Variants in NTM observed in about 807,000 individuals in gnomAD.
NTM encodes neurotrimin.
Under a neutral mutation model 42.1 loss-of-function variants are expected in NTM, and 13 were observed. The ratio of observed to expected loss-of-function variants is 0.31; its 90% CI spans 0.20 to 0.49. NTM has a LOEUF of 0.49. Ranked by LOEUF, NTM falls within the 20% of genes least tolerant of loss-of-function variation. NTM has a pLI of 0.99. For synonymous variants in NTM, 187 were observed against 179.2 expected (o/e 1.04, Z -0.35); for missense variants, 373 against 452.8 (o/e 0.82, Z 1.60).
chr11:131,693,607 C>T (rs139387348), intron 1 of NTM, among the ~76,000 whole-genome samples: 257 of 152,306 alleles, frequency 1.7e-3, no homozygotes, highest in African/African-American at 6.0e-3. Flanking sequence ...CCAGCCCCAT[C>T]TGTTGCTGAG....
intron 4 of NTM, among the ~76,000 whole-genome samples, chr11:132,257,634 A>G (rs2092583503): frequency 6.6e-6 from 1 of 152,110 alleles, no homozygotes; most frequent in South Asian, 2.1e-4. Context: ...TGCTGGGATA[A>G]CTCTTCTTCA....
At chr11:131,781,798 C>A (rs566371279) in intron 1 of NTM, among the ~76,000 whole-genome samples, 1 of 152,220 alleles carries the variant, frequency 6.6e-6, no homozygotes, top group African/African-American at 2.4e-5. Context: ...CCACTCTGCA[C>A]TCTGCCTAGA....
chr11:132,046,422 G>A (rs2078003269), intron 2 of NTM, among the ~76,000 whole-genome samples: 2 of 151,416 alleles, frequency 1.3e-5, no homozygotes, highest in Admixed American at 1.3e-4. Context: ...TAACAACACA[G>A]CAATTCTACT....
intron 1 of NTM, among the ~76,000 whole-genome samples, chr11:131,738,128 G>C (rs1225475762): frequency 2.0e-5 from 3 of 152,126 alleles, no homozygotes; most frequent in Non-Finnish European, 4.4e-5. Context: ...CAGGGGATGG[G>C]GATGGATGGC....
intron 1 of NTM, among the ~76,000 whole-genome samples, chr11:131,382,491 C>T (rs768793118): frequency 6.6e-6 from 1 of 151,884 alleles, no homozygotes; most frequent in Non-Finnish European, 1.5e-5. Context: ...GTTATCATCA[C>T]TTGTGAAAAA....
intron 2 of NTM, among the ~76,000 whole-genome samples, chr11:132,119,392 CT>C (rs2064394660): frequency 6.6e-6 from 1 of 152,142 alleles, no homozygotes; most frequent in Admixed American, 6.5e-5. Flanking sequence ...ACTGACCCTT[CT>C]GATATCAAAG....
At chr11:132,218,575 C>T (rs1172607735) in intron 4 of NTM, among the ~76,000 whole-genome samples, 1 of 152,116 alleles carries the variant, frequency 6.6e-6, no homozygotes, top group African/African-American at 2.4e-5. Context: ...TAGGGTATCT[C>T]CTGCACTGCC....
chr11:131,680,985 G>A (rs2072605148), intron 1 of NTM, among the ~76,000 whole-genome samples: 2 of 38,304 alleles, frequency 5.2e-5, no homozygotes, highest in Non-Finnish European at 1.3e-4. Context: ...CTCCCTGTGT[G>A]TGTGAGCGTG....
At chr11:131,859,959 T>C (rs605769) in intron 1 of NTM, among the ~76,000 whole-genome samples, 1 of 152,112 alleles carries the variant, frequency 6.6e-6, no homozygotes, top group Non-Finnish European at 1.5e-5. Flanking sequence ...ACTCCCCCTT[T>C]GTCTGGAGGT....
At chr11:131,615,743 A>G (rs569507473) in intron 1 of NTM, among the ~76,000 whole-genome samples, 1 of 152,288 alleles carries the variant, frequency 6.6e-6, no homozygotes, top group South Asian at 2.1e-4. Flanking sequence ...GTCAGCTCCC[A>G]GCTCCCAGAC....
At chr11:131,658,444 G>A (rs935848836) in intron 1 of NTM, among the ~76,000 whole-genome samples, 5 of 152,142 alleles carry the variant, frequency 3.3e-5, no homozygotes, top group Non-Finnish European at 4.4e-5. Flanking sequence ...CCACACCCAC[G>A]TGGTGCAGCT....
chr11:132,267,582 G>A (rs1227777344), intron 4 of NTM, among the ~76,000 whole-genome samples: 1 of 151,446 alleles, frequency 6.6e-6, no homozygotes. Context: ...TTGGGAGGCC[G>A]AGGTGGGTGG....
chr11:131,891,018 T>C (rs2137497504), intron 1 of NTM, among the ~76,000 whole-genome samples: 1 of 152,340 alleles, frequency 6.6e-6, no homozygotes, highest in East Asian at 1.9e-4. Flanking sequence ...TTGTTTAGAC[T>C]ATGTCAGCTC....
chr11:131,795,432 G>T, intron 1 of NTM: 1 of 985,342 alleles, frequency 1.0e-6, no homozygotes, highest in Non-Finnish European at 1.2e-6. Flanking sequence ...TACACTATTG[G>T]TATAAAGTCA....
At chr11:132,314,878 A>G (rs2095384496) in intron 7 of NTM, 175 bp downstream of exon 7, 1 of 1,365,880 alleles carries the variant, frequency 7.3e-7, no homozygotes, top group Admixed American at 3.3e-5. Flanking sequence ...GGACAGAGAG[A>G]CAGGGAGGAG....
intron 3 of NTM, among the ~76,000 whole-genome samples, chr11:132,162,014 A>G (rs565621329): frequency 3.9e-5 from 6 of 152,376 alleles, no homozygotes; most frequent in Admixed American, 3.9e-4. Context: ...TGCGCAGTGC[A>G]GGGAAGGAAG....
chr11:132,000,180 C>T lies in NTM; in HGVS notation c.167+88532C>T, dbSNP rs143833207. Among the ~76,000 whole-genome samples, 420 of 152,258 alleles carry T rather than the reference C, an allele frequency of 2.8e-3. 1 individual carries two copies. Among genetic ancestry groups the T allele is most frequent in the Non-Finnish European group, 4.5e-3 (307 of 68,024 alleles). On this transcript the variant is annotated intron_variant, in intron 2 of 8. Coordinates refer to ENST00000683400, the MANE Select transcript of NTM (RefSeq NM_001352005.2). ...CTACTGCACACACTCCCAGACAGTC[C>T]CTGCCTTTCCCATTGTCTTTCTCAA...
At chr11:131,510,809 G>A (rs185723371) in intron 1 of NTM, among the ~76,000 whole-genome samples, 2 of 152,104 alleles carry the variant, frequency 1.3e-5, no homozygotes, top group African/African-American at 4.8e-5. Flanking sequence ...GGGTCTGTGG[G>A]GGTGCTGGTG....
intron 2 of NTM, among the ~76,000 whole-genome samples, chr11:132,067,765 G>A (rs1473245809): frequency 1.3e-5 from 2 of 152,202 alleles, no homozygotes; most frequent in East Asian, 1.9e-4. Flanking sequence ...CTGGGCTCTG[G>A]TTCCAAAGCT....
Sources: gnomAD v4.1 joint callset for allele counts (sites outside exome capture counted in the v4.1 genomes callset) on GRCh38, gnomAD v4.1.1 for gene constraint, MANE v1.5 for transcripts, NCBI Gene and HGNC (gene_info 2026-07-23, HGNC 2026-07-21) for gene names.